Variants in ALMS1 observed in about 807,000 individuals in gnomAD.
ALMS1 encodes the protein ALMS1 centrosome and basal body associated protein, also known as centrosome-associated protein ALMS1.
ALMS1 carries 271 observed loss-of-function variants against 352.2 expected under a neutral mutation model. The ratio of observed to expected loss-of-function variants is 0.77; its 90% CI spans 0.70 to 0.85. The LOEUF (loss-of-function observed/expected upper bound fraction) is 0.85. Ranked by LOEUF, ALMS1 falls within the 40% of genes least tolerant of loss-of-function variation. The pLI is 0.00. For missense variants in ALMS1, 5,445 were observed against 4,870.7 expected, an observed-to-expected ratio of 1.12 and a Z score of -3.51; for synonymous variants, 1,865 against 1,761.2, an observed-to-expected ratio of 1.06 and a Z score of -1.48.
chr2:73,563,092 A>G (rs1916106), intron 15 of ALMS1, among the ~76,000 whole-genome samples: 3,071 of 151,534 alleles, frequency 0.02, 107 homozygotes, highest in African/African-American at 0.071. Context: ...AAATTCACCT[A>G]TATTAAAAAA....
At chr2:73,523,975 A>G (rs1031182939) in intron 11 of ALMS1, among the ~76,000 whole-genome samples, 2 of 152,200 alleles carry the variant, frequency 1.3e-5, no homozygotes, top group African/African-American at 4.8e-5. Context: ...GCATTCGGCC[A>G]TGAGAAATGG....
At chr2:73,484,148 G>A (rs1372941955) in intron 9 of ALMS1, among the ~76,000 whole-genome samples, 2 of 151,648 alleles carry the variant, frequency 1.3e-5, no homozygotes, top group African/African-American at 4.9e-5. Context: ...CTCATTAGTT[G>A]ATGCAGTTTC....
At position 73,551,423 on chromosome 2, in the gene ALMS1, AT is replaced by A. The variant is rs1185666778; in HGVS notation, c.10078+987del. Among the ~76,000 whole-genome samples, 989 of 112,380 alleles carry A rather than the reference AT, an allele frequency of 8.8e-3. 30 individuals carry two copies. The highest frequency in any genetic ancestry group is 0.033 in the African/African-American group (942 of 28,340). 73.7% of individuals were successfully genotyped at this position (112,380 alleles called of 152,430 possible). A position where few individuals can be genotyped will look rare whatever the true frequency, so the allele number is the denominator to read the frequency against. On this transcript the variant is annotated intron_variant, in intron 13 of 22. Transcript: ENST00000613296. ...GATCACTGTGGGTATTTGAGTTTCA[AT>A]CTTTTTTTTTTTTTTTTTTTTTTTT...
intron 9 of ALMS1, among the ~76,000 whole-genome samples, chr2:73,465,070 A>G (rs1327084941): frequency 6.6e-6 from 1 of 151,294 alleles, no homozygotes; most frequent in Non-Finnish European, 1.5e-5. Context: ...ACCAGTGGTA[A>G]TTTATAGATT....
At chr2:73,576,984 A>G (rs1675068185) in intron 16 of ALMS1, among the ~76,000 whole-genome samples, 1 of 152,122 alleles carries the variant, frequency 6.6e-6, no homozygotes, top group East Asian at 1.9e-4. Context: ...TTTTGAACCA[A>G]CTTTACATTC....
intron 1 of ALMS1, among the ~76,000 whole-genome samples, chr2:73,406,062 C>CTTTT (rs1422760608): frequency 6.6e-6 from 1 of 152,110 alleles, no homozygotes; most frequent in Non-Finnish European, 1.5e-5. Context: ...CTGTTCAGGT[C>CTTTT]TTTTCTTTCC....
At chr2:73,536,760 G>A (rs115569107) in intron 12 of ALMS1, among the ~76,000 whole-genome samples, 27 of 152,130 alleles carry the variant, frequency 1.8e-4, no homozygotes, top group Non-Finnish European at 2.8e-4. Flanking sequence ...AAACAACGAC[G>A]GCAAAAAACT....
intron 17 of ALMS1, among the ~76,000 whole-genome samples, chr2:73,600,381 T>A (rs1223477721): frequency 6.6e-6 from 1 of 152,244 alleles, no homozygotes. Context: ...GTATTTATTG[T>A]CTTTCTAACT....
intron 15 of ALMS1, among the ~76,000 whole-genome samples, chr2:73,568,992 C>CCTCTTTTTT (rs1558697963): frequency 4.5e-5 from 3 of 66,904 alleles, no homozygotes; most frequent in African/African-American, 1.0e-4. Context: ...GCTGCTTCTG[C>CCTCTTTTTT]TTCTTTTTTT....
chr2:73,511,525 G>A (rs935467927), intron 10 of ALMS1, among the ~76,000 whole-genome samples: 2 of 152,054 alleles, frequency 1.3e-5, no homozygotes, highest in African/African-American at 4.8e-5. Context: ...TCAATGAGAT[G>A]AACTGGGTAC....
At chr2:73,529,244 A>G (rs1198305462) in intron 11 of ALMS1, among the ~76,000 whole-genome samples, 1 of 152,048 alleles carries the variant, frequency 6.6e-6, no homozygotes, top group African/African-American at 2.4e-5. Flanking sequence ...GGGTTTCACC[A>G]TGTTGGCCAA....
intron 11 of ALMS1, among the ~76,000 whole-genome samples, chr2:73,529,966 A>G (rs994830361): frequency 6.6e-6 from 1 of 152,136 alleles, no homozygotes; most frequent in Non-Finnish European, 1.5e-5. Context: ...AACTGCCCCC[A>G]TGATCCAATC....
At chr2:73,539,887 A>G (rs946762249) in intron 12 of ALMS1, among the ~76,000 whole-genome samples, 6 of 152,224 alleles carry the variant, frequency 3.9e-5, no homozygotes, top group Admixed American at 2.6e-4. Context: ...AACCAAATCT[A>G]CGTCTGATTG....
At chr2:73,512,007 A>G (rs1414097213) in intron 10 of ALMS1, among the ~76,000 whole-genome samples, 7 of 152,206 alleles carry the variant, frequency 4.6e-5, no homozygotes, top group Admixed American at 4.6e-4. Context: ...TTCCAATAAC[A>G]ATGTGTGAGA....
Position 73,449,619 on chromosome 2 carries a change from C to A in ALMS1, c.3092C>A (p.Thr1031Asn). 1 of 1,614,064 alleles carries A rather than the reference C, an allele frequency of 6.2e-7. No homozygotes were observed. The highest frequency in any genetic ancestry group is 1.3e-5 in the African/African-American group (1 of 75,020). ...YATEKALKVS[T>N]GPGPADQKTE... ...ACTGAAAAGGCTCTGAAAGTTTCAACTGGCCCTGGACCAGCTGACCAGAAG... is the reference window on the plus strand; with the variant it reads ...ACTGAAAAGGCTCTGAAAGTTTCAAATGGCCCTGGACCAGCTGACCAGAAG... Residue 1031 changes from threonine to asparagine, a missense_variant, in exon 8 of 23, where the codon ACT becomes AAT. Coordinates refer to ENST00000613296, the MANE Select transcript of ALMS1 (RefSeq NM_001378454.1).
At chr2:73,461,724 G>A (rs776949543) in intron 9 of ALMS1, among the ~76,000 whole-genome samples, 5 of 152,124 alleles carry the variant, frequency 3.3e-5, no homozygotes, top group Non-Finnish European at 2.9e-5. Flanking sequence ...TTAGACGAAT[G>A]GATACCTAGA....
In ALMS1 at chr2:73,453,862, C is replaced by G; in HGVS notation, c.7335C>G (p.Asn2445Lys). ...SLESVSDVLL[N>K]FFPYVSPKTS... Reference sequence around the variant, plus strand: ...AATCAGTTTCTGATGTTCTTCTAAACTTCTTTCCATATGTTTCACCCAAGA... The same window carrying G: ...AATCAGTTTCTGATGTTCTTCTAAAGTTCTTTCCATATGTTTCACCCAAGA... Residue 2445 changes from asparagine to lysine, a missense_variant, in exon 8 of 23, where the codon AAC becomes AAG. Coordinates refer to ENST00000613296, the MANE Select transcript of ALMS1 (RefSeq NM_001378454.1). The G allele has an allele frequency of 6.2e-7, 1 of 1,614,120 alleles. No individual in the cohort carries two copies. The highest frequency in any genetic ancestry group is 2.2e-5 in the East Asian group (1 of 44,884).
rs747230032 is a variant in ALMS1 at position 73,573,372 on chromosome 2, A to G, written c.11495A>G (p.Asn3832Ser). 3.1e-6 allele frequency: 5 copies of G among 1,614,138 alleles called. No homozygotes were observed. Among genetic ancestry groups the G allele is most frequent in the Non-Finnish European group, 3.4e-6 (4 of 1,180,004 alleles). The change falls in exon 16 of 23, where the codon AAT becomes AGT. Residue 3832 changes from asparagine to serine, a missense_variant. By Grantham distance (46) the Asn-to-Ser change is conservative. Transcript: ENST00000613296. ...AGCAAACACAGCAAGAAAGTGCTGA[A>G]TACAGGTCATCCCCTAGTGACTTCT... ...KRSKHSKKVL[N>S]TGHPLVTSEH...
chr2:73,410,567 T>TGGGA (rs1468744696), intron 2 of ALMS1, among the ~76,000 whole-genome samples: 34 of 152,262 alleles, frequency 2.2e-4, no homozygotes, highest in Admixed American at 9.8e-4. Flanking sequence ...TTTCATTTGT[T>TGGGA]GGGATGTATT....
Sources: allele counts gnomAD v4.1 joint callset (sites outside exome capture counted in the v4.1 genomes callset), GRCh38; gene constraint gnomAD v4.1.1; transcripts MANE v1.5; gene names NCBI Gene and HGNC (gene_info 2026-07-23, HGNC 2026-07-21).